The following KIF5C variants were observed in gnomAD, a reference collection of about 807,000 sequenced individuals.
The protein encoded by KIF5C is kinesin heavy chain isoform 5C.
In KIF5C, 18 loss-of-function variants were observed where a neutral mutation model predicts 125.2. That is an observed-to-expected ratio of 0.14 (90% confidence interval 0.10 to 0.21). The LOEUF (loss-of-function observed/expected upper bound fraction) is 0.21. Ranked by LOEUF, KIF5C falls within the 10% of genes least tolerant of loss-of-function variation. The probability of loss-of-function intolerance (pLI) is 1.00; values close to 1 mark genes in which losing one functional copy is unlikely to be tolerated. For missense variants in KIF5C, 780 were observed against 1,183.8 expected, an observed-to-expected ratio of 0.66 and a Z score of 5.01; for synonymous variants, 405 against 434.0, an observed-to-expected ratio of 0.93 and a Z score of 0.83.
intron 11 of KIF5C, among the ~76,000 whole-genome samples, chr2:148,962,379 A>G (rs1574791979): frequency 6.7e-6 from 1 of 148,442 alleles, no homozygotes; most frequent in East Asian, 2.0e-4. Context: ...AGGTTTTACC[A>G]TGTTGGCCAG....
chr2:148,890,848 C>T (rs984039603), intron 1 of KIF5C, among the ~76,000 whole-genome samples: 7 of 152,080 alleles, frequency 4.6e-5, no homozygotes, highest in African/African-American at 7.2e-5. Context: ...TCAACTGTTA[C>T]GTGTTCTTGA....
intron 7 of KIF5C, among the ~76,000 whole-genome samples, chr2:148,945,583 G>T (rs1193901942): frequency 6.6e-6 from 1 of 151,974 alleles, no homozygotes; most frequent in African/African-American, 2.4e-5. Flanking sequence ...AGGCTATTGG[G>T]GTACAGGTGG....
At chr2:148,999,754 C>A (rs955558738) in intron 19 of KIF5C, among the ~76,000 whole-genome samples, 5 of 152,228 alleles carry the variant, frequency 3.3e-5, no homozygotes, top group African/African-American at 1.2e-4. Context: ...TGGCTTGTGC[C>A]TTTCAAATGG....
chr2:148,961,835 TG>T, intron 10 of KIF5C, 135 bp from the exon 11 acceptor site: 1 of 1,241,790 alleles, frequency 8.1e-7, no homozygotes, highest in Non-Finnish European at 1.1e-6. Context: ...ATTAGGAGGA[TG>T]GTTGGTGAAA....
rs2105200162 is a variant in KIF5C, at chr2:149,010,215, G to C, written c.2631G>C (p.Lys877Asn). Residue 877 changes from lysine (K) to asparagine (N), a missense_variant, in exon 24 of 26, where the codon AAG becomes AAC. Physicochemically the swap from Lys to Asn is moderately conservative, Grantham distance 94. Around this residue, in one of 2 missense-constraint regions of KIF5C, gnomAD observed 573 missense variants for 742.6 expected, o/e 0.77. Transcript: ENST00000435030. ...TGCGTGCCACGGCGGAGCGCGTCAA[G>C]GCTCTGGAGAGCGCGCTGAAGGAGG... Reference protein sequence around the residue: ...KRLRATAERVKALESALKEAK... With the variant: ...KRLRATAERVNALESALKEAK... 6.4e-7 allele frequency: 1 copy of C among 1,564,744 alleles called. No individual in the cohort carries two copies. Among genetic ancestry groups the C allele is most frequent in the East Asian group, 2.4e-5 (1 of 41,502 alleles).
intron 4 of KIF5C, among the ~76,000 whole-genome samples, chr2:148,938,321 A>G (rs550182069): frequency 6.6e-6 from 1 of 152,322 alleles, no homozygotes; most frequent in African/African-American, 2.4e-5. Context: ...TCATCCTTTT[A>G]AAGTGTATAG....
intron 1 of KIF5C, among the ~76,000 whole-genome samples, chr2:148,881,767 C>T: frequency 6.9e-6 from 1 of 145,672 alleles, no homozygotes; most frequent in Admixed American, 6.6e-5. Context: ...AATGGGGATG[C>T]TTGCATGTGT....
In KIF5C at chr2:148,994,554, A is replaced by G. The variant is rs1256497343; in HGVS notation, c.2023+16A>G. ...CGAGCCCAGGGTAAATATTTGACTA[A>G]CGTGCAGGTGTCAAACACCTGGCCT... On this transcript the variant is annotated intron_variant, in intron 17 of 25. Coordinates refer to ENST00000435030, the MANE Select transcript of KIF5C (RefSeq NM_004522.3). 2 of 1,553,166 alleles carry G rather than the reference A, an allele frequency of 1.3e-6. No homozygotes were observed. The highest frequency in any genetic ancestry group is 2.4e-5 in the East Asian group (1 of 41,026).
chr2:148,948,008 C>G (rs976105637), intron 8 of KIF5C: 2 of 456,544 alleles, frequency 4.4e-6, no homozygotes, highest in Non-Finnish European at 8.8e-6. Context: ...TTTGTAAAAC[C>G]TGAGCAGAAA....
chr2:148,973,250 C>T (rs1466250352), intron 11 of KIF5C, 86 bp from the exon 12 acceptor site: 3 of 1,489,884 alleles, frequency 2.0e-6, no homozygotes, highest in South Asian at 1.4e-5. Flanking sequence ...TATTTTTCAC[C>T]AGGACTGATT....
intron 1 of KIF5C, among the ~76,000 whole-genome samples, chr2:148,899,639 G>T (rs922781454): frequency 2.0e-5 from 3 of 148,084 alleles, no homozygotes; most frequent in Non-Finnish European, 4.4e-5. Flanking sequence ...GAAGGCAGAG[G>T]TTGCGGTGAG....
At position 148,875,575 on chromosome 2, in the gene KIF5C, G is replaced by GGGCCCCCCCCCCCCCCCCCCCCCCC; in HGVS notation, c.-43_-42insGGCCCCCCCCCCCCCCCCCCCCCCC. On this transcript the variant is annotated 5_prime_UTR_variant, in exon 1 of 26. Transcript: ENST00000435030. Reference sequence around the variant, plus strand: ...TCCTCCCTCGTCGTTCCCGGCCCCGGCCCCCCACCCATCCCCGTGCCCCCT... The same window carrying GGGCCCCCCCCCCCCCCCCCCCCCCC: ...TCCTCCCTCGTCGTTCCCGGCCCCGGGGCCCCCCCCCCCCCCCCCCCCCCCCCCCCCACCCATCCCCGTGCCCCCT... 1.1e-5 allele frequency: 8 copies of GGGCCCCCCCCCCCCCCCCCCCCCCC among 699,580 alleles called. No individual in the cohort carries two copies. Among genetic ancestry groups the GGGCCCCCCCCCCCCCCCCCCCCCCC allele is most frequent in the East Asian group, 3.0e-5 (1 of 33,464 alleles). The allele number at this position is 699,580 out of a possible 1,614,324, so 43.3% of individuals were successfully genotyped here.
intron 16 of KIF5C, 29 bp downstream of exon 16, chr2:148,991,227 C>T (rs777062130): frequency 5.0e-6 from 8 of 1,604,936 alleles, no homozygotes; most frequent in East Asian, 4.5e-5. Context: ...CATCATTGCA[C>T]TCTTGTTGTC....
rs146930493 is a variant in KIF5C at position 148,977,111 on chromosome 2, T to C, written c.1294-1811T>C. On this transcript the variant is annotated intron_variant, in intron 12 of 25. Transcript: ENST00000435030. ...AGAGCTCATTAATTCCTTAGATAAG[T>C]TGCCTTAATAAAGGGTAAATATAGT... Among the ~76,000 whole-genome samples, 36 of 152,336 alleles carry C rather than the reference T, an allele frequency of 2.4e-4. 1 individual carries two copies. The East Asian group carries it at 6.9e-3, about 29-fold the overall frequency.
intron 1 of KIF5C, among the ~76,000 whole-genome samples, chr2:148,882,061 T>C (rs545406500): frequency 6.6e-6 from 1 of 152,234 alleles, no homozygotes; most frequent in African/African-American, 2.4e-5. Context: ...AAGTTCCTCT[T>C]AGTAGGAATT....
rs1674217685 is a variant in KIF5C at position 148,902,085 on chromosome 2, C to T, written c.127-20052C>T. Among the ~76,000 whole-genome samples the T allele has an allele frequency of 2.0e-5, 3 of 152,160 alleles. No individual in the cohort carries two copies. The South Asian group carries it at 6.2e-4, about 32-fold the overall frequency. The stretch of plus-strand genomic sequence containing the variant: ...CTTTTTCGCACTGTGAGTTGGGGTT[C>T]TAACAGTCAGCGTTGGTCCATAACA... On this transcript the variant is annotated intron_variant, in intron 1 of 25. Coordinates refer to ENST00000435030, the MANE Select transcript of KIF5C (RefSeq NM_004522.3).
chr2:148,997,896 C>G (rs564822041), intron 18 of KIF5C: 1 of 166,330 alleles, frequency 6.0e-6, no homozygotes, highest in African/African-American at 2.4e-5. Context: ...TTGCTCCAGC[C>G]AGCAGAATAA....
rs1306635745 is a variant in KIF5C at position 149,025,822 on chromosome 2, A to G, written c.*2752A>G. The G allele has an allele frequency of 6.5e-6, 1 of 152,678 alleles. No homozygotes were observed. The highest frequency in any genetic ancestry group is 1.5e-5 in the Non-Finnish European group (1 of 68,044). 9.5% of individuals were successfully genotyped at this position (152,678 alleles called of 1,614,324 possible). A position where few individuals can be genotyped will look rare whatever the true frequency, so the allele number is the denominator to read the frequency against. On this transcript the variant is annotated 3_prime_UTR_variant, in exon 26 of 26. Transcript: ENST00000435030. ...ATGTGTTTTTGTCAATTACTAGAGA[A>G]TTCTGTGCAAACATATCATCTCTTC...
intron 5 of KIF5C, 50 bp downstream of exon 5, chr2:148,941,708 G>T: frequency 6.5e-7 from 1 of 1,541,858 alleles, no homozygotes; most frequent in East Asian, 2.4e-5. Flanking sequence ...CGAAAGTCCG[G>T]GGAGGTTGAA....
Sources: allele counts gnomAD v4.1 joint callset (sites outside exome capture counted in the v4.1 genomes callset), GRCh38; gene constraint gnomAD v4.1.1; regional missense constraint gnomAD v4.1.1; transcripts MANE v1.5; gene names NCBI Gene and HGNC (gene_info 2026-07-23, HGNC 2026-07-21).